Variants in TPX2 observed in about 807,000 individuals in gnomAD.
The protein encoded by TPX2 is targeting protein for Xklp2.
A neutral mutation model predicts 93.6 loss-of-function variants in TPX2; 21 were observed. That is an observed-to-expected ratio of 0.22 (90% CI 0.16 to 0.32). The LOEUF (loss-of-function observed/expected upper bound fraction) is 0.32. Among genes scored for constraint, TPX2 ranks in the 10% least tolerant of loss-of-function variants. The probability of loss-of-function intolerance (pLI) is 1.00; values close to 1 mark genes in which losing one functional copy is unlikely to be tolerated. For synonymous variants in TPX2, 281 were observed against 298.3 expected (o/e 0.94, Z 0.60); for missense variants, 776 against 871.1 (o/e 0.89, Z 1.37).
intron 12 of TPX2, among the ~76,000 whole-genome samples, chr20:31,788,708 A>C (rs1447819355): frequency 1.3e-5 from 2 of 152,140 alleles, no homozygotes; most frequent in African/African-American, 4.8e-5. Flanking sequence ...CTCCTGGGGC[A>C]GAGGTGGAGT....
Position 31,763,997 on chromosome 20 carries a change from C to T in TPX2, c.230-2559C>T, listed in dbSNP as rs189476169. The stretch of plus-strand genomic sequence containing the variant: ...TCATGCCACTGTACTCCAGCCTGGG[C>T]GATAGAGCAAGACTCCATCTCAAAA... On this transcript the variant is annotated intron_variant, in intron 4 of 17. Transcript: ENST00000300403. Among the ~76,000 whole-genome samples, 297 of 151,214 alleles carry T rather than the reference C, an allele frequency of 2.0e-3. 2 individuals carry two copies. Among genetic ancestry groups the T allele is most frequent in the Non-Finnish European group, 3.5e-3 (235 of 67,854 alleles).
intron 14 of TPX2, 117 bp downstream of exon 14, chr20:31,794,141 C>T (rs2062120410): frequency 8.4e-6 from 10 of 1,193,246 alleles, no homozygotes; most frequent in Non-Finnish European, 1.2e-5. Context: ...TTTCTAAGAA[C>T]CCTATAAAAT....
rs752795638 is a variant in TPX2, at chr20:31,783,785, C to T, written c.1277C>T (p.Pro426Leu). 1.9e-6 allele frequency: 3 copies of T among 1,613,446 alleles called. No individual in the cohort carries two copies. The highest frequency in any genetic ancestry group is 3.3e-5 in the Admixed American group (2 of 59,854). ...PILPKKPPVK[P>L]PTEPIGFDLE... is the part of the protein sequence containing the mutation. ...TTGCCCAAGAAACCACCTGTGAAAC[C>T]ACCCACCGAGCCTATTGGCTTTGAT... The change falls in exon 12 of 18, where the codon CCA becomes CTA. Residue 426 changes from proline (P) to leucine (L), a missense_variant. Transcript: ENST00000300403.
chr20:31,796,721 G>A (rs79014608), intron 15 of TPX2, among the ~76,000 whole-genome samples: 80 of 150,738 alleles, frequency 5.3e-4, no homozygotes, highest in Non-Finnish European at 5.2e-4. Context: ...TTTTTTTTTG[G>A]AGGTGGGAAG....
chr20:31,789,172 A>G (rs1415921121), intron 12 of TPX2, among the ~76,000 whole-genome samples: 1 of 152,168 alleles, frequency 6.6e-6, no homozygotes, highest in East Asian at 1.9e-4. Flanking sequence ...TCTTTAGAGC[A>G]CTTGTGAAAA....
chr20:31,775,311 T>C (rs1225120996), intron 7 of TPX2, among the ~76,000 whole-genome samples: 2 of 152,100 alleles, frequency 1.3e-5, no homozygotes, highest in African/African-American at 4.8e-5. Context: ...TATTTTAATC[T>C]ATTTTAGTTA....
intron 12 of TPX2, among the ~76,000 whole-genome samples, chr20:31,785,464 A>G (rs1462958250): frequency 6.6e-6 from 1 of 151,972 alleles, no homozygotes; most frequent in Non-Finnish European, 1.5e-5. Flanking sequence ...GGGTTTCTAT[A>G]ACACTCTTTT....
Position 31,801,097 on chromosome 20 carries a change from C to T in TPX2, c.*17C>T, listed in dbSNP as rs112654559. ...CACTGCTAAACTCAGCTGTGAGCTG[C>T]GGATACCGCCCGGCAATGGGACCTG... is the stretch of plus-strand genomic sequence containing the variant. On this transcript the variant is annotated 3_prime_UTR_variant, in exon 18 of 18. Transcript: ENST00000300403. 3.4e-5 allele frequency: 55 copies of T among 1,608,514 alleles called. No individual in the cohort carries two copies. Among genetic ancestry groups the T allele is most frequent in the Middle Eastern group, 3.3e-4 (2 of 6,056 alleles).
chr20:31,761,080 A>G (rs1292985301), intron 4 of TPX2, among the ~76,000 whole-genome samples: 1 of 152,214 alleles, frequency 6.6e-6, no homozygotes, highest in Non-Finnish European at 1.5e-5. Flanking sequence ...GAGTTGTGCA[A>G]CCATCATCCT....
chr20:31,799,654 C>G lies in TPX2; in HGVS notation c.2133+1102C>G, dbSNP rs943510349. Among the ~76,000 whole-genome samples the G allele has an allele frequency of 2.6e-5, 4 of 152,168 alleles. No homozygotes were observed. In the East Asian group the frequency reaches 7.7e-4, roughly 29 times the overall value. ...GTGGCTCACACCTGTAATCCCAGCA[C>G]TATGGGAGGCCCAGGTGGGTGGATC... On this transcript the variant is annotated intron_variant, in intron 17 of 17. Coordinates refer to ENST00000300403, the MANE Select transcript of TPX2 (RefSeq NM_012112.5).
rs375024389 is a variant in TPX2 at position 31,794,814 on chromosome 20, TTTG to T, written c.1833+284_1833+286del. On this transcript the variant is annotated intron_variant, in intron 15 of 17. Transcript: ENST00000300403. ...TGTATGTGTGTGTGTACGCACACAT[TTTG>T]TTGTTGTTGTTGTTGTTTTTTGAGA... is the stretch of plus-strand genomic sequence containing the variant. Among the ~76,000 whole-genome samples, 377 of 150,602 alleles carry T rather than the reference TTTG, an allele frequency of 2.5e-3. 3 individuals are homozygous for T. Among genetic ancestry groups the T allele is most frequent in the African/African-American group, 8.2e-3 (334 of 40,792 alleles).
intron 13 of TPX2, 26 bp from the exon 14 acceptor site, chr20:31,793,822 T>C (rs748740227): frequency 1.3e-6 from 2 of 1,547,082 alleles, no homozygotes; most frequent in Admixed American, 2.0e-5. Flanking sequence ...AGGAGTCTTA[T>C]TTCTAAACTG....
At chr20:31,790,441 CT>C (rs1397413630) in intron 12 of TPX2, among the ~76,000 whole-genome samples, 2 of 152,130 alleles carry the variant, frequency 1.3e-5, no homozygotes, top group Non-Finnish European at 2.9e-5. Context: ...CATTAATTTG[CT>C]TTTAGGATCT....
At chr20:31,790,188 A>G (rs1001999473) in intron 12 of TPX2, among the ~76,000 whole-genome samples, 2 of 152,108 alleles carry the variant, frequency 1.3e-5, no homozygotes, top group African/African-American at 4.8e-5. Context: ...GAGTTTTGTC[A>G]CTCTGAATAC....
At chr20:31,741,644 A>G (rs773166040) in intron 1 of TPX2, among the ~76,000 whole-genome samples, 4 of 151,976 alleles carry the variant, frequency 2.6e-5, no homozygotes, top group Non-Finnish European at 5.9e-5. Context: ...ACACCCGGCT[A>G]GTTTTTTTGT....
chr20:31,756,468 A>G (rs2061852858), intron 2 of TPX2, among the ~76,000 whole-genome samples: 1 of 152,166 alleles, frequency 6.6e-6, no homozygotes, highest in Non-Finnish European at 1.5e-5. Context: ...GAGAGAGAAT[A>G]AATTGGGCTA....
At chr20:31,782,777 C>A (rs1244330089) in intron 11 of TPX2, among the ~76,000 whole-genome samples, 1 of 152,052 alleles carries the variant, frequency 6.6e-6, no homozygotes, top group Non-Finnish European at 1.5e-5. Context: ...TCTGTAGTCC[C>A]ACCTACTAGG....
In TPX2 at chr20:31,801,171, G is replaced by A; in HGVS notation, c.*91G>A. 1 of 1,158,910 alleles carries A rather than the reference G, an allele frequency of 8.6e-7. No homozygotes were observed. The allele number at this position is 1,158,910 out of a possible 1,614,324, so 71.8% of individuals were successfully genotyped here. A position where few individuals can be genotyped will look rare whatever the true frequency, so the allele number is the denominator to read the frequency against. ...GTCTTGCTTTGTCATTGGGCATGGA[G>A]AGAACCCATTTCTCCAGACTTTTAC... On this transcript the variant is annotated 3_prime_UTR_variant, in exon 18 of 18. Transcript: ENST00000300403.
chr20:31,765,546 A>G (rs2061919632), intron 4 of TPX2, among the ~76,000 whole-genome samples: 1 of 152,112 alleles, frequency 6.6e-6, no homozygotes, highest in South Asian at 2.1e-4. Flanking sequence ...CCTGGGCTCA[A>G]GTGATCTTCC....
Sources: gnomAD v4.1 joint callset for allele counts (sites outside exome capture counted in the v4.1 genomes callset) on GRCh38, gnomAD v4.1.1 for gene constraint, MANE v1.5 for transcripts, NCBI Gene and HGNC (gene_info 2026-07-23, HGNC 2026-07-21) for gene names.